The following P3H2 variants were observed in gnomAD, a reference collection of about 807,000 sequenced individuals.
The protein encoded by P3H2 is leprecan-like 1.
P3H2 carries 80 observed loss-of-function variants against 87.0 expected under a neutral mutation model. The ratio of observed to expected loss-of-function variants is 0.92; its 90% CI spans 0.77 to 1.11. The LOEUF (loss-of-function observed/expected upper bound fraction) is 1.11, where lower values mean the gene tolerates loss of function less well. Among genes scored for constraint, P3H2 ranks in the 50% least tolerant of loss-of-function variants. The pLI, the probability that P3H2 is intolerant of heterozygous loss-of-function variation, is 0.00. For synonymous variants in P3H2, 367 were observed against 359.3 expected, an observed-to-expected ratio of 1.02 and a Z score of -0.24; for missense variants, 1,001 against 923.9, an observed-to-expected ratio of 1.08 and a Z score of -1.08.
rs76507822 is a variant in P3H2 at position 190,046,565 on chromosome 3, G to T, written c.481-51123C>A. ...GGCCACTGTAGCTGTGGATGCTATT[G>T]CCAGAATAGCTTGTCATAGTAGCCA... On this transcript the variant is annotated intron_variant, in intron 1 of 14. Coordinates refer to ENST00000319332, the MANE Select transcript of P3H2 (RefSeq NM_018192.4). Among the ~76,000 whole-genome samples, 879 of 152,234 alleles carry T rather than the reference G, an allele frequency of 5.8e-3. 14 individuals carry two copies. The highest frequency in any genetic ancestry group is 0.02 in the African/African-American group (839 of 41,532).
chr3:189,980,022 A>C (rs1169083851), intron 8 of P3H2, among the ~76,000 whole-genome samples: 7 of 152,118 alleles, frequency 4.6e-5, no homozygotes. Context: ...TGGACAAGTG[A>C]CAGCAATGTT....
chr3:189,957,488 A>T lies in P3H2; in HGVS notation c.*424T>A. On this transcript the variant is annotated 3_prime_UTR_variant, in exon 15 of 15. Transcript: ENST00000319332. Reference sequence around the variant, plus strand: ...GTGTGTGTGTGTGTGTGTTTGGGGGAGGAGGTGAACTGGGCTTTGATAGAT... The same window carrying T: ...GTGTGTGTGTGTGTGTGTTTGGGGGTGGAGGTGAACTGGGCTTTGATAGAT... The T allele has an allele frequency of 2.7e-6, 1 of 367,022 alleles. No homozygotes were observed. The highest frequency in any genetic ancestry group is 4.8e-6 in the Non-Finnish European group (1 of 208,562). The allele number at this position is 367,022 out of a possible 1,614,324, so 22.7% of individuals were successfully genotyped here. A position where few individuals can be genotyped will look rare whatever the true frequency, so the allele number is the denominator to read the frequency against.
intron 1 of P3H2, among the ~76,000 whole-genome samples, chr3:190,011,954 T>A (rs1724602417): frequency 6.6e-6 from 1 of 152,230 alleles, no homozygotes; most frequent in African/African-American, 2.4e-5. Flanking sequence ...AATAATTGAC[T>A]ACTTCTAATT....
intron 13 of P3H2, chr3:189,969,904 C>G: frequency 1.1e-6 from 1 of 909,042 alleles, no homozygotes; most frequent in Non-Finnish European, 1.8e-6. Flanking sequence ...GCACTCGGGA[C>G]TAAGGGAATG....
At chr3:190,046,013 C>T (rs1725790800) in intron 1 of P3H2, among the ~76,000 whole-genome samples, 1 of 152,022 alleles carries the variant, frequency 6.6e-6, no homozygotes, top group Admixed American at 6.6e-5. Context: ...GTCCCAGCTA[C>T]TCAGGAGGCT....
intron 13 of P3H2, among the ~76,000 whole-genome samples, chr3:189,970,415 A>G (rs949429112): frequency 6.6e-6 from 1 of 151,056 alleles, no homozygotes; most frequent in Non-Finnish European, 1.5e-5. Context: ...GCTCAGTCCA[A>G]GTACGTAGAA....
At chr3:189,959,860 A>G (rs1666464) in intron 14 of P3H2, among the ~76,000 whole-genome samples, 19 of 134,876 alleles carry the variant, frequency 1.4e-4, no homozygotes, top group African/African-American at 3.3e-4. Context: ...TGGAGGAGAT[A>G]TGTGTGTGTG....
chr3:189,964,945 G>A (rs1385907000), intron 13 of P3H2, among the ~76,000 whole-genome samples: 2 of 152,200 alleles, frequency 1.3e-5, no homozygotes, highest in African/African-American at 2.4e-5. Flanking sequence ...CTGAATATTA[G>A]AGGCCTTGCT....
chr3:189,981,005 G>C (rs1414181669), intron 8 of P3H2, among the ~76,000 whole-genome samples: 1 of 152,216 alleles, frequency 6.6e-6, no homozygotes, highest in Admixed American at 6.5e-5. Flanking sequence ...GAGCTTCTAG[G>C]TTGCTGAGCA....
chr3:190,077,944 A>G (rs1726923505), intron 1 of P3H2, among the ~76,000 whole-genome samples: 1 of 152,220 alleles, frequency 6.6e-6, no homozygotes. Flanking sequence ...ATATAAGACC[A>G]GGGATAGCAA....
At chr3:190,087,143 T>C (rs915028694) in intron 1 of P3H2, among the ~76,000 whole-genome samples, 2 of 152,184 alleles carry the variant, frequency 1.3e-5, no homozygotes, top group Non-Finnish European at 2.9e-5. Context: ...AACAAATTCT[T>C]ACTCTGCATA....
Position 190,071,467 on chromosome 3 carries a change from C to T in P3H2, c.480+48785G>A, listed in dbSNP as rs189958623. Among the ~76,000 whole-genome samples the T allele has an allele frequency of 3.8e-3, 586 of 152,220 alleles. 5 individuals carry two copies. Among genetic ancestry groups the T allele is most frequent in the African/African-American group, 0.013 (553 of 41,534 alleles). The stretch of plus-strand genomic sequence containing the variant: ...ATTCTGAATAACATTAATCACTAAG[C>T]AAATATTAGTTAATAGCCACTATAA... On this transcript the variant is annotated intron_variant, in intron 1 of 14. Coordinates refer to ENST00000319332, the MANE Select transcript of P3H2 (RefSeq NM_018192.4).
rs1441578106 is a variant in P3H2 at position 189,966,033 on chromosome 3, GAGAAAGAAAGAAAAGAA to G, written c.1894-1952_1894-1936del. ...GGAGAGAAAGAAAGAAAAAGAGAGA[GAGAAAGAAAGAAAAGAA>G]AGAAAGAAAGAAAGAGAAAGAAGGA... On this transcript the variant is annotated intron_variant, in intron 13 of 14. Transcript: ENST00000319332. 1.5e-5 allele frequency among the ~76,000 whole-genome samples: 2 copies of G among 137,760 alleles called. 1 individual carries two copies. Among genetic ancestry groups the G allele is most frequent in the Non-Finnish European group, 3.1e-5 (2 of 63,946 alleles). 90.4% of individuals were successfully genotyped at this position (137,760 alleles called of 152,430 possible). A position where few individuals can be genotyped will look rare whatever the true frequency, so the allele number is the denominator to read the frequency against.
chr3:190,058,864 C>T (rs1335504690), intron 1 of P3H2, among the ~76,000 whole-genome samples: 3 of 152,262 alleles, frequency 2.0e-5, no homozygotes, highest in Middle Eastern at 3.4e-3. Context: ...TTTAGTTCAG[C>T]GAGAAAACAA....
intron 1 of P3H2, among the ~76,000 whole-genome samples, chr3:190,008,807 G>T (rs1185700450): frequency 6.6e-6 from 1 of 152,156 alleles, no homozygotes; most frequent in Non-Finnish European, 1.5e-5. Context: ...CTGGCCATTG[G>T]GTAGGTGGGA....
At position 190,020,783 on chromosome 3, in the gene P3H2, T is replaced by C. The variant is rs1000775778; in HGVS notation, c.481-25341A>G. On this transcript the variant is annotated intron_variant, in intron 1 of 14. Transcript: ENST00000319332. ...CCTGCTGAAGTGCTTGAAGCCTAAC[T>C]GGCCTTTTAGAAAGGCTTCCTAAGG... Among the ~76,000 whole-genome samples the C allele has an allele frequency of 2.2e-5, 3 of 133,918 alleles. 1 individual carries two copies. The highest frequency in any genetic ancestry group is 5.0e-5 in the Non-Finnish European group (3 of 60,150). The allele number at this position is 133,918 out of a possible 152,430, so 87.9% of individuals were successfully genotyped here.
intron 1 of P3H2, among the ~76,000 whole-genome samples, chr3:190,076,641 G>A (rs1469309514): frequency 6.6e-6 from 1 of 152,116 alleles, no homozygotes; most frequent in Non-Finnish European, 1.5e-5. Context: ...ATTTTATAAG[G>A]TATTATAACC....
Position 189,995,304 on chromosome 3 carries a change from C to T in P3H2, c.619G>A (p.Ala207Thr). The T allele has an allele frequency of 6.2e-7, 1 of 1,614,104 alleles. No individual in the cohort carries two copies. Among genetic ancestry groups the T allele is most frequent in the Non-Finnish European group, 8.5e-7 (1 of 1,180,002 alleles). Reference sequence around the variant, plus strand: ...ACAGAGCTTACCATGTGTGGCTTGGCTTCTCTGTCTACCAACTGCAATGCT... The same window carrying T: ...ACAGAGCTTACCATGTGTGGCTTGGTTTCTCTGTCTACCAACTGCAATGCT... Reference protein sequence around the residue: ...VEALQLVDREAKPHMESYNAG... With the variant: ...VEALQLVDRETKPHMESYNAG... Residue 207 changes from alanine (A) to threonine (T), a missense_variant, in exon 2 of 15, where the codon GCC (alanine) becomes ACC (threonine). Transcript: ENST00000319332.
Position 189,957,122 on chromosome 3 carries a change from C to T in P3H2, c.*790G>A. The T allele has an allele frequency of 2.5e-6, 1 of 398,492 alleles. No individual in the cohort carries two copies. The highest frequency in any genetic ancestry group is 4.4e-6 in the Non-Finnish European group (1 of 226,054). 24.7% of individuals were successfully genotyped at this position (398,492 alleles called of 1,614,324 possible). A position where few individuals can be genotyped will look rare whatever the true frequency, so the allele number is the denominator to read the frequency against. ...CCAGAGCCAAAAATTCCACCAAGGC[C>T]CTGGAAAGACTGAAGTCCCCTCTGT... is the stretch of plus-strand genomic sequence containing the variant. On this transcript the variant is annotated 3_prime_UTR_variant, in exon 15 of 15. Transcript: ENST00000319332.
Sources: allele counts gnomAD v4.1 joint callset (sites outside exome capture counted in the v4.1 genomes callset), GRCh38; gene constraint gnomAD v4.1.1; transcripts MANE v1.5; gene names NCBI Gene and HGNC (gene_info 2026-07-23, HGNC 2026-07-21).